Variants in FLNB observed in about 807,000 individuals in gnomAD.
FLNB encodes the protein filamin B, also known as filamin-B.
Under a neutral mutation model 250.6 loss-of-function variants are expected in FLNB, and 111 were observed. The observed-to-expected ratio is 0.44, with a 90% CI of 0.38 to 0.52. The LOEUF (loss-of-function observed/expected upper bound fraction) is 0.52, where lower values mean the gene tolerates loss of function less well. FLNB is among the 20% of genes least tolerant of loss of function. The pLI is 0.00. For missense variants in FLNB, 2,869 were observed against 3,447.8 expected, an observed-to-expected ratio of 0.83 and a Z score of 4.20; for synonymous variants, 1,302 against 1,372.1, an observed-to-expected ratio of 0.95 and a Z score of 1.13.
intron 25 of FLNB, chr3:58,132,235 A>G: frequency 1.8e-6 from 1 of 558,940 alleles, no homozygotes; most frequent in Non-Finnish European, 3.2e-6. Flanking sequence ...GTTTTAGCAT[A>G]ATCTCTAACA....
At chr3:58,078,458 C>T in intron 2 of FLNB, 1 of 1,535,772 alleles carries the variant, frequency 6.5e-7, no homozygotes, top group Non-Finnish European at 8.7e-7. Context: ...AACACCACTT[C>T]TTCAAGGAAT....
In FLNB at chr3:58,124,315, A is replaced by C. The variant is rs567064044; in HGVS notation, c.3725-17A>C. ...TGGGGTACTGGTGGCAGTGTTAGCT[A>C]TGTGCTTGCTCTGCAGATGTGTTCC... On this transcript the variant is annotated splice_polypyrimidine_tract_variant and intron_variant, in intron 21 of 45. Transcript: ENST00000295956. 1.2e-6 allele frequency: 2 copies of C among 1,613,988 alleles called. No individual in the cohort carries two copies. The highest frequency in any genetic ancestry group is 2.2e-5 in the South Asian group (2 of 91,066).
In FLNB at chr3:58,109,624, C is replaced by T. The variant is rs891939941; in HGVS notation, c.2248C>T (p.Pro750Ser). 7 of 1,613,992 alleles carry T rather than the reference C, an allele frequency of 4.3e-6. No individual in the cohort carries two copies. In the African/African-American group the frequency reaches 6.7e-5, roughly 15 times the overall value. Residue 750 changes from proline to serine, a missense_variant, in exon 15 of 46, where the codon CCA (proline) becomes TCA (serine). Pro to Ser is a moderately conservative substitution (Grantham distance 74, BLOSUM62 -1). Around this residue, in one of 5 missense-constraint regions of FLNB, gnomAD observed 1,348 missense variants for 1,466.7 expected, o/e 0.92. Coordinates refer to ENST00000295956, the MANE Select transcript of FLNB (RefSeq NM_001457.4). ...TCCTCAGAAGGTCAAAGTGTTTGGG[C>T]CAGGTGTGGAGAGAAGTGGTCTGAA... ...SHPQKVKVFG[P>S]GVERSGLKAN...
intron 38 of FLNB, chr3:58,152,596 A>C: frequency 3.0e-6 from 1 of 338,630 alleles, no homozygotes; most frequent in South Asian, 3.1e-5. Flanking sequence ...TGATAATCCC[A>C]TCACATTGTT....
rs2097381784 is a variant in FLNB at position 58,171,062 on chromosome 3, G to A, written c.*300G>A. 1.4e-5 allele frequency: 5 copies of A among 354,456 alleles called. No homozygotes were observed. In the South Asian group the frequency reaches 1.8e-4, roughly 13 times the overall value. The allele number at this position is 354,456 out of a possible 1,614,324, so 22.0% of individuals were successfully genotyped here. On this transcript the variant is annotated 3_prime_UTR_variant, in exon 46 of 46. Coordinates refer to ENST00000295956, the MANE Select transcript of FLNB (RefSeq NM_001457.4). The surrounding 1 kb of genome is among the most constrained non-coding windows in gnomAD (Gnocchi z 5.5). ...GCAGCAGACAGACCAGGAACACAATGAGACTGACATTTCAAAAAAACAAAA... is the reference window on the plus strand; with the variant it reads ...GCAGCAGACAGACCAGGAACACAATAAGACTGACATTTCAAAAAAACAAAA...
At chr3:58,075,588 G>A (rs1026422345) in intron 1 of FLNB, among the ~76,000 whole-genome samples, 2 of 152,132 alleles carry the variant, frequency 1.3e-5, no homozygotes, top group East Asian at 1.9e-4. Flanking sequence ...TGTGTGCAGC[G>A]GGAACCCTGG....
intron 18 of FLNB, 148 bp from the exon 19 acceptor site, chr3:58,118,724 A>G (rs1006821223): frequency 1.7e-5 from 12 of 719,024 alleles, no homozygotes; most frequent in Middle Eastern, 2.4e-4. Flanking sequence ...GTCAAAAGCT[A>G]GAAGAAATAG....
intron 38 of FLNB, chr3:58,150,686 TGG>T: frequency 8.9e-6 from 2 of 224,290 alleles, no homozygotes; most frequent in South Asian, 1.4e-4. Context: ...TCTAGCCCTT[TGG>T]TGGTGAATTG....
intron 1 of FLNB, among the ~76,000 whole-genome samples, chr3:58,071,214 A>G (rs901024796): frequency 6.8e-6 from 1 of 147,966 alleles, no homozygotes; most frequent in Non-Finnish European, 1.5e-5. Context: ...TCAGCTTCCC[A>G]TAGTGCTGGG....
At chr3:58,094,594 TTA>T (rs1259514837) in intron 4 of FLNB, among the ~76,000 whole-genome samples, 1 of 152,214 alleles carries the variant, frequency 6.6e-6, no homozygotes, top group Non-Finnish European at 1.5e-5. Context: ...TTCCACAATT[TTA>T]TATAGACTCC....
chr3:58,055,267 CA>C (rs11375409), intron 1 of FLNB, among the ~76,000 whole-genome samples: 13 of 144,094 alleles, frequency 9.0e-5, no homozygotes, highest in Admixed American at 2.1e-4. Context: ...TTCTGTCTCT[CA>C]AAAAAAAAAA....
intron 38 of FLNB, 32 bp from the exon 39 acceptor site, chr3:58,153,343 C>T (rs778366079): frequency 2.5e-6 from 4 of 1,613,920 alleles, no homozygotes; most frequent in African/African-American, 2.7e-5. Flanking sequence ...CCCTAACCCT[C>T]TTCTCTCCCC....
intron 4 of FLNB, among the ~76,000 whole-genome samples, chr3:58,084,329 G>C (rs1208560151): frequency 6.6e-6 from 1 of 152,112 alleles, no homozygotes; most frequent in Non-Finnish European, 1.5e-5. Flanking sequence ...TTGTCAACCA[G>C]ATTGGTCAAA....
chr3:58,140,061 A>G (rs962473729), intron 29 of FLNB, among the ~76,000 whole-genome samples: 1 of 152,204 alleles, frequency 6.6e-6, no homozygotes, highest in African/African-American at 2.4e-5. Flanking sequence ...GATCACCTAC[A>G]GTACCTGGTT....
intron 4 of FLNB, among the ~76,000 whole-genome samples, chr3:58,089,576 G>C (rs2097222892): frequency 6.7e-6 from 1 of 149,610 alleles, no homozygotes; most frequent in African/African-American, 2.4e-5. Flanking sequence ...TCGGTAGGCA[G>C]TTAAGAACAA....
At chr3:58,067,721 T>C (rs1718478) in intron 1 of FLNB, among the ~76,000 whole-genome samples, 76,179 of 151,036 alleles carry the variant, frequency 0.5, 19,908 homozygotes, top group African/African-American at 0.64. Context: ...CTCAGCCTCC[T>C]GAGTAGCTGG....
intron 1 of FLNB, among the ~76,000 whole-genome samples, chr3:58,017,901 G>A (rs778407872): frequency 6.6e-6 from 1 of 152,156 alleles, no homozygotes; most frequent in Non-Finnish European, 1.5e-5. Context: ...TTGTGACAGA[G>A]CCGCTGACTC....
At chr3:58,099,019 C>G (rs2097244480) in intron 8 of FLNB, 111 bp downstream of exon 8, 1 of 885,952 alleles carries the variant, frequency 1.1e-6, no homozygotes, top group Non-Finnish European at 1.9e-6. Flanking sequence ...TATGCCTATC[C>G]CTTTTCTGCC....
chr3:58,046,976 C>T (rs1293067471), intron 1 of FLNB, among the ~76,000 whole-genome samples: 2 of 152,130 alleles, frequency 1.3e-5, no homozygotes, highest in Non-Finnish European at 2.9e-5. Flanking sequence ...TTTTTTACGG[C>T]CAAGTGTTGG....
Sources: gnomAD v4.1 joint callset for allele counts (sites outside exome capture counted in the v4.1 genomes callset) on GRCh38, gnomAD v4.1.1 for gene constraint, gnomAD v4.1.1 regional missense constraint, Gnocchi (gnomAD v3.1) non-coding constraint, MANE v1.5 for transcripts, NCBI Gene and HGNC (gene_info 2026-07-23, HGNC 2026-07-21) for gene names.